LYST: variants seen among roughly 807,000 people sequenced by gnomAD.
The protein encoded by LYST is lysosomal-trafficking regulator.
LYST carries 192 observed loss-of-function variants against 413.6 expected under a neutral mutation model. That is an observed-to-expected ratio of 0.46 (90% CI 0.41 to 0.52). The LOEUF (loss-of-function observed/expected upper bound fraction) is 0.52, where lower values mean the gene tolerates loss of function less well. Ranked by LOEUF, LYST falls within the 20% of genes least tolerant of loss-of-function variation. The pLI is 0.00. For missense variants in LYST, 3,815 were observed against 4,499.9 expected (o/e 0.85, Z 4.35); for synonymous variants, 1,525 against 1,567.3 (o/e 0.97, Z 0.64).
At chr1:235,712,030 T>C in intron 43 of LYST, 27 bp downstream of exon 43, 1 of 1,495,060 alleles carries the variant, frequency 6.7e-7, no homozygotes, top group Non-Finnish European at 9.0e-7. Flanking sequence ...CTCAGAAATA[T>C]AAATTAAAAA....
At chr1:235,823,953 A>G (rs927689284) in intron 3 of LYST, among the ~76,000 whole-genome samples, 1 of 152,218 alleles carries the variant, frequency 6.6e-6, no homozygotes, top group Non-Finnish European at 1.5e-5. Context: ...GCTGGGCCAT[A>G]GTAGGTACTT....
Position 235,664,646 on chromosome 1 carries a change from G to A in LYST, c.11039-25C>T, listed in dbSNP as rs1420319096. The A allele has an allele frequency of 2.5e-6, 4 of 1,613,706 alleles. No individual in the cohort carries two copies. The highest frequency in any genetic ancestry group is 3.3e-5 in the Admixed American group (2 of 59,992). On this transcript the variant is annotated intron_variant, in intron 50 of 52. Transcript: ENST00000389793. The surrounding 1 kb of genome is among the most constrained non-coding windows in gnomAD (Gnocchi z 4.5). The stretch of plus-strand genomic sequence containing the variant: ...GCTAAAACACCCAAATCATCCGGCG[G>A]GTTACCAGAATGTGGCTGTCTCAGA...
chr1:235,690,892 G>A lies in LYST; in HGVS notation c.10701+2458C>T, dbSNP rs1364603455. 2.6e-5 allele frequency among the ~76,000 whole-genome samples: 4 copies of A among 151,342 alleles called. No individual in the cohort carries two copies. The East Asian group carries it at 5.8e-4, about 22-fold the overall frequency. ...GCAGCAGCATACTGTATATTTACAT[G>A]GTATTTTACAGTTTACAAGTTTCTT... On this transcript the variant is annotated intron_variant, in intron 47 of 52. Coordinates refer to ENST00000389793, the MANE Select transcript of LYST (RefSeq NM_000081.4).
At chr1:235,724,219 G>A in intron 38 of LYST, 39 bp from the exon 39 acceptor site, 2 of 1,531,696 alleles carry the variant, frequency 1.3e-6, no homozygotes, top group Non-Finnish European at 1.8e-6. Flanking sequence ...TGTTTTACCG[G>A]AAATATAAAT....
At chr1:235,672,789 T>C (rs535294343) in intron 50 of LYST, among the ~76,000 whole-genome samples, 2 of 152,214 alleles carry the variant, frequency 1.3e-5, no homozygotes, top group Non-Finnish European at 2.9e-5. Context: ...TAGAAAGATA[T>C]CGGCTTATCC....
chr1:235,708,233 T>C (rs1256548095), intron 44 of LYST, among the ~76,000 whole-genome samples: 1 of 152,140 alleles, frequency 6.6e-6, no homozygotes, highest in Non-Finnish European at 1.5e-5. Flanking sequence ...TATTTCTGGA[T>C]GGTGATATTA....
chr1:235,705,706 A>C (rs12075375), intron 44 of LYST, among the ~76,000 whole-genome samples: 5,093 of 151,856 alleles, frequency 0.034, 274 homozygotes, highest in African/African-American at 0.12. Context: ...TTTAATGTAA[A>C]TTTTATATAA....
chr1:235,743,539 C>G (rs1408476577), intron 30 of LYST, among the ~76,000 whole-genome samples: 1 of 152,106 alleles, frequency 6.6e-6, no homozygotes, highest in African/African-American at 2.4e-5. Flanking sequence ...TAAATGAACC[C>G]TGACACTTAT....
At chr1:235,666,607 T>TACACAC (rs10635511) in intron 50 of LYST, among the ~76,000 whole-genome samples, 37,726 of 141,254 alleles carry the variant, frequency 0.27, 5,433 homozygotes, top group Non-Finnish European at 0.35. Flanking sequence ...CACACACACA[T>TACACAC]ACACACACAC....
At chr1:235,782,155 T>C in intron 14 of LYST, 68 bp from the exon 15 acceptor site, 1 of 1,322,854 alleles carries the variant, frequency 7.6e-7, no homozygotes, top group Non-Finnish European at 1.1e-6. Flanking sequence ...ATTTTTAAAG[T>C]ATGAATATTT....
At chr1:235,668,452 A>G (rs1658678722) in intron 50 of LYST, among the ~76,000 whole-genome samples, 1 of 152,200 alleles carries the variant, frequency 6.6e-6, no homozygotes, top group African/African-American at 2.4e-5. Flanking sequence ...AGACCTTAAA[A>G]AAAGTTGACA....
At chr1:235,707,581 C>A (rs1489774704) in intron 44 of LYST, among the ~76,000 whole-genome samples, 1 of 151,972 alleles carries the variant, frequency 6.6e-6, no homozygotes, top group Non-Finnish European at 1.5e-5. Context: ...TGAGATCACG[C>A]CACTGCACTC....
Position 235,666,225 on chromosome 1 carries a change from T to TACAC in LYST, c.11039-1608_11039-1605dup, listed in dbSNP as rs66890524. On this transcript the variant is annotated intron_variant, in intron 50 of 52. Coordinates refer to ENST00000389793, the MANE Select transcript of LYST (RefSeq NM_000081.4). ...GCATAAACAAAATGCAGTATGTACA[T>TACAC]ACACACACACACACACACACACACA... 3.8e-3 allele frequency among the ~76,000 whole-genome samples: 521 copies of TACAC among 135,978 alleles called. 3 individuals carry two copies. The highest frequency in any genetic ancestry group is 0.01 in the South Asian group (41 of 3,918). 89.2% of individuals were successfully genotyped at this position (135,978 alleles called of 152,430 possible).
At chr1:235,707,086 G>C (rs1366985507) in intron 44 of LYST, among the ~76,000 whole-genome samples, 1 of 152,104 alleles carries the variant, frequency 6.6e-6, no homozygotes, top group Non-Finnish European at 1.5e-5. Context: ...TTTCTTTTCA[G>C]AATCTGCTTT....
chr1:235,834,412 A>T (rs931042345), intron 1 of LYST, among the ~76,000 whole-genome samples: 14 of 151,342 alleles, frequency 9.3e-5, no homozygotes, highest in Middle Eastern at 6.9e-3. Context: ...ATTTTTATTT[A>T]AAAAAAAATG....
chr1:235,678,021 A>G (rs556411189), intron 48 of LYST, among the ~76,000 whole-genome samples: 1 of 152,304 alleles, frequency 6.6e-6, no homozygotes, highest in Non-Finnish European at 1.5e-5. Flanking sequence ...TCCTTCATTG[A>G]TAGACACTTA....
chr1:235,826,258 T>C (rs1191324072), intron 3 of LYST, among the ~76,000 whole-genome samples: 1 of 152,202 alleles, frequency 6.6e-6, no homozygotes, highest in Non-Finnish European at 1.5e-5. Flanking sequence ...ACATTACCCT[T>C]TGCCCACAAA....
intron 48 of LYST, among the ~76,000 whole-genome samples, chr1:235,680,897 C>A (rs988570553): frequency 9.2e-5 from 14 of 152,162 alleles, no homozygotes; most frequent in Non-Finnish European, 1.9e-4. Context: ...CCGCGCCTGG[C>A]CTACAAGTGA....
At position 235,677,167 on chromosome 1, in the gene LYST, C is replaced by G. The variant is rs1420192949; in HGVS notation, c.10962G>C (p.Leu3654=). 1.2e-6 allele frequency: 2 copies of G among 1,613,448 alleles called. No homozygotes were observed. Among genetic ancestry groups the G allele is most frequent in the African/African-American group, 1.3e-5 (1 of 74,874 alleles). ...DLNRLCYVQS[L]AGHKSPVTAV... ...CTGTGACAGGGCTTTTGTGTCCCGC[C>G]AGACTTTGTACATAGCATAACCTGA... The change falls in exon 50 of 53, where the codon CTG becomes CTC. Residue 3654 remains leucine (L), a synonymous_variant. Coordinates refer to ENST00000389793, the MANE Select transcript of LYST (RefSeq NM_000081.4).
Sources: allele counts gnomAD v4.1 joint callset (sites outside exome capture counted in the v4.1 genomes callset), GRCh38; gene constraint gnomAD v4.1.1; non-coding constraint Gnocchi (gnomAD v3.1); transcripts MANE v1.5; gene names NCBI Gene and HGNC (gene_info 2026-07-23, HGNC 2026-07-21).